GRID1: variants seen among roughly 807,000 people sequenced by gnomAD.
GRID1 encodes glutamate receptor ionotropic, delta-1.
A neutral mutation model predicts 98.0 loss-of-function variants in GRID1; 28 were observed. The observed-to-expected ratio is 0.29, with a 90% CI of 0.21 to 0.39. The LOEUF is 0.39. GRID1 is among the 10% of genes least tolerant of loss of function. GRID1 has a pLI of 1.00. For missense variants in GRID1, 1,111 were observed against 1,340.5 expected, an observed-to-expected ratio of 0.83 and a Z score of 2.67; for synonymous variants, 553 against 538.5, an observed-to-expected ratio of 1.03 and a Z score of -0.37.
intron 4 of GRID1, among the ~76,000 whole-genome samples, chr10:86,034,708 CTGTTTCCTCTTTGGCCTGCCTCAT>C (rs1843232033): frequency 6.6e-6 from 1 of 151,956 alleles, no homozygotes; most frequent in African/African-American, 2.4e-5. Flanking sequence ...TTACAATGAT[CTGTTTCCTCTTTGGCCTGCCTCAT>C]TGGCGTGTGA....
chr10:86,113,842 A>G (rs1844529247), intron 4 of GRID1, among the ~76,000 whole-genome samples: 1 of 152,222 alleles, frequency 6.6e-6, no homozygotes, highest in Non-Finnish European at 1.5e-5. Context: ...GTGTAGCCCA[A>G]GAACACCCAT....
At chr10:85,779,047 T>C (rs899699290) in intron 8 of GRID1, among the ~76,000 whole-genome samples, 1 of 152,236 alleles carries the variant, frequency 6.6e-6, no homozygotes, top group African/African-American at 2.4e-5. Context: ...ATGATTTAAG[T>C]TGTCATTTTT....
At chr10:85,621,433 A>T (rs1247072438) in intron 13 of GRID1, among the ~76,000 whole-genome samples, 1 of 152,156 alleles carries the variant, frequency 6.6e-6, no homozygotes, top group Non-Finnish European at 1.5e-5. Context: ...GTAGCTACTT[A>T]GATGAAGTTA....
At chr10:86,069,463 A>G (rs1415204460) in intron 4 of GRID1, among the ~76,000 whole-genome samples, 2 of 152,110 alleles carry the variant, frequency 1.3e-5, no homozygotes, top group Admixed American at 6.5e-5. Context: ...CCTGGCTAAC[A>G]CGGTGAAACC....
At chr10:86,026,530 G>A (rs371364289) in intron 4 of GRID1, among the ~76,000 whole-genome samples, 6 of 152,268 alleles carry the variant, frequency 3.9e-5, no homozygotes, top group African/African-American at 1.4e-4. Flanking sequence ...ATCTCCACTG[G>A]TGCTGGCTGT....
rs565475277 is a variant in GRID1 at position 86,286,445 on chromosome 10, C to T, written c.235+77496G>A. 1.1e-3 allele frequency among the ~76,000 whole-genome samples: 171 copies of T among 152,288 alleles called. 1 individual carries two copies. The highest frequency in any genetic ancestry group is 4.0e-3 in the African/African-American group (166 of 41,550). ...CCACACTTGGGCATCTTTCCCTTCC[C>T]TGCCTTTTTACTAGGTTTGGGGGAA... On this transcript the variant is annotated intron_variant, in intron 2 of 15. Coordinates refer to ENST00000327946, the MANE Select transcript of GRID1 (RefSeq NM_017551.3).
chr10:86,143,799 C>T (rs1292812765), intron 3 of GRID1, among the ~76,000 whole-genome samples: 1 of 152,204 alleles, frequency 6.6e-6, no homozygotes, highest in African/African-American at 2.4e-5. Context: ...GGAGGAGCTC[C>T]CTAGAGAGGA....
At chr10:86,223,246 C>T (rs1846285835) in intron 2 of GRID1, among the ~76,000 whole-genome samples, 1 of 152,202 alleles carries the variant, frequency 6.6e-6, no homozygotes, top group East Asian at 1.9e-4. Context: ...AGCTCCAGCC[C>T]TGCCCTGCGC....
intron 8 of GRID1, among the ~76,000 whole-genome samples, chr10:85,768,330 G>A (rs1037615803): frequency 6.6e-6 from 1 of 151,616 alleles, no homozygotes; most frequent in African/African-American, 2.4e-5. Flanking sequence ...ATTTCTAGAA[G>A]GTAACATTGA....
chr10:86,308,936 C>T (rs1384986000), intron 2 of GRID1, among the ~76,000 whole-genome samples: 7 of 152,194 alleles, frequency 4.6e-5, no homozygotes, highest in Non-Finnish European at 1.0e-4. Flanking sequence ...TTAATGGTCT[C>T]ACTTCTTAAC....
chr10:85,950,779 G>A (rs190230071), intron 4 of GRID1, among the ~76,000 whole-genome samples: 3 of 152,158 alleles, frequency 2.0e-5, no homozygotes, highest in Non-Finnish European at 4.4e-5. Context: ...CCAGAACAAA[G>A]GCTACAGTCC....
At chr10:85,753,037 G>C (rs903478097) in intron 8 of GRID1, among the ~76,000 whole-genome samples, 2 of 152,158 alleles carry the variant, frequency 1.3e-5, no homozygotes, top group Non-Finnish European at 2.9e-5. Flanking sequence ...GTGCTGCTGA[G>C]AGTGTGATCC....
intron 2 of GRID1, among the ~76,000 whole-genome samples, chr10:86,211,707 T>TA (rs11404615): frequency 0.071 from 10,477 of 147,066 alleles, 394 homozygotes; most frequent in East Asian, 0.1. Flanking sequence ...TTTCCCTGGT[T>TA]AAAAAAAAAA....
At chr10:85,982,127 A>G (rs1842551276) in intron 4 of GRID1, among the ~76,000 whole-genome samples, 1 of 151,744 alleles carries the variant, frequency 6.6e-6, no homozygotes, top group African/African-American at 2.4e-5. Flanking sequence ...GAAGTTGGAG[A>G]CCAGGACAGA....
chr10:85,794,359 G>A (rs886196313), intron 8 of GRID1, among the ~76,000 whole-genome samples: 4 of 152,292 alleles, frequency 2.6e-5, no homozygotes, highest in Non-Finnish European at 2.9e-5. Context: ...TCAGAGCATC[G>A]GTGCTAAAGA....
At chr10:85,761,548 G>T (rs183349029) in intron 8 of GRID1, among the ~76,000 whole-genome samples, 13 of 152,318 alleles carry the variant, frequency 8.5e-5, no homozygotes, top group Middle Eastern at 6.8e-3. Flanking sequence ...TTACACCGTT[G>T]TGCTGTGCAA....
chr10:85,686,416 T>C (rs940897863), intron 12 of GRID1, among the ~76,000 whole-genome samples: 3 of 152,216 alleles, frequency 2.0e-5, no homozygotes, highest in South Asian at 2.1e-4. Flanking sequence ...ACTGTCAATA[T>C]TGGCATACTG....
At chr10:86,341,168 A>G (rs1848304666) in intron 2 of GRID1, among the ~76,000 whole-genome samples, 1 of 152,134 alleles carries the variant, frequency 6.6e-6, no homozygotes, top group African/African-American at 2.4e-5. Context: ...GTTTCATTTA[A>G]GAAACCCCCT....
At chr10:86,319,421 T>C (rs531495124) in intron 2 of GRID1, among the ~76,000 whole-genome samples, 1 of 152,182 alleles carries the variant, frequency 6.6e-6, no homozygotes, top group South Asian at 2.1e-4. Context: ...AAGCAGCTCA[T>C]CCCAGCTCAC....
Sources: allele counts gnomAD v4.1 joint callset (sites outside exome capture counted in the v4.1 genomes callset), GRCh38; gene constraint gnomAD v4.1.1; transcripts MANE v1.5; gene names NCBI Gene and HGNC (gene_info 2026-07-23, HGNC 2026-07-21).